The following KCNC2 variants were observed in gnomAD, a reference collection of about 807,000 sequenced individuals.
KCNC2 encodes potassium voltage-gated channel subfamily C member 2.
KCNC2 carries 21 observed loss-of-function variants against 44.5 expected under a neutral mutation model. That is an observed-to-expected ratio of 0.47 (90% CI 0.33 to 0.68). The LOEUF is 0.68. Ranked by LOEUF, KCNC2 falls within the 30% of genes least tolerant of loss-of-function variation. The pLI is 0.01. For synonymous variants in KCNC2, 391 were observed against 339.1 expected (o/e 1.15, Z -1.68); for missense variants, 589 against 826.2 (o/e 0.71, Z 3.52).
chr12:75,099,797 A>G (rs1886231647), intron 2 of KCNC2, among the ~76,000 whole-genome samples: 1 of 152,138 alleles, frequency 6.6e-6, no homozygotes, highest in African/African-American at 2.4e-5. Flanking sequence ...GACCTATACT[A>G]TTTGTCAGAG....
chr12:75,119,186 T>C (rs1242771355), intron 2 of KCNC2, among the ~76,000 whole-genome samples: 1 of 152,204 alleles, frequency 6.6e-6, no homozygotes, highest in Non-Finnish European at 1.5e-5. Context: ...TAGATTAATA[T>C]TATACACAAT....
intron 2 of KCNC2, among the ~76,000 whole-genome samples, chr12:75,204,256 ATACGTATT>A (rs1173848756): frequency 1.3e-5 from 2 of 152,060 alleles, no homozygotes; most frequent in East Asian, 3.8e-4. Context: ...GACCCCTCAT[ATACGTATT>A]TACTTCATAA....
intron 2 of KCNC2, among the ~76,000 whole-genome samples, chr12:75,080,596 A>G (rs918494751): frequency 6.6e-6 from 1 of 152,114 alleles, no homozygotes; most frequent in Non-Finnish European, 1.5e-5. Flanking sequence ...GTGGGCTGGA[A>G]TTGTACCAAA....
chr12:75,200,188 A>G (rs2031122344), intron 2 of KCNC2, among the ~76,000 whole-genome samples: 1 of 151,888 alleles, frequency 6.6e-6, no homozygotes, highest in Non-Finnish European at 1.5e-5. Context: ...AAATTTGTGC[A>G]TTTAGTGTTA....
chr12:75,123,133 A>T (rs906121580), intron 2 of KCNC2, among the ~76,000 whole-genome samples: 1 of 152,260 alleles, frequency 6.6e-6, no homozygotes, highest in African/African-American at 2.4e-5. Context: ...ATTTTTCTCT[A>T]ATTTCATTAC....
chr12:75,054,295 A>T (rs17114519), intron 2 of KCNC2, among the ~76,000 whole-genome samples: 24,638 of 151,988 alleles, frequency 0.16, 2,207 homozygotes, highest in Middle Eastern at 0.26. Flanking sequence ...CGCTTGTCAT[A>T]ATCTGGATTC....
intron 2 of KCNC2, among the ~76,000 whole-genome samples, chr12:75,078,126 C>A (rs1327087896): frequency 6.6e-6 from 1 of 151,962 alleles, no homozygotes; most frequent in South Asian, 2.1e-4. Flanking sequence ...TTCCTGGGTA[C>A]CTTGTTTATA....
At chr12:75,095,915 A>G (rs1393215395) in intron 2 of KCNC2, among the ~76,000 whole-genome samples, 1 of 151,962 alleles carries the variant, frequency 6.6e-6, no homozygotes, top group Non-Finnish European at 1.5e-5. Context: ...GGTACTTTAT[A>G]TCAAATTTTA....
intron 2 of KCNC2, among the ~76,000 whole-genome samples, chr12:75,160,165 C>A (rs1177327560): frequency 6.6e-6 from 1 of 151,640 alleles, no homozygotes; most frequent in African/African-American, 2.4e-5. Context: ...AGGCCCTAAT[C>A]CCATATAATT....
At chr12:75,127,205 A>G (rs1350948511) in intron 2 of KCNC2, among the ~76,000 whole-genome samples, 1 of 152,180 alleles carries the variant, frequency 6.6e-6, no homozygotes. Flanking sequence ...GAGAATTAGT[A>G]GTTACATGAC....
At chr12:75,092,283 A>G (rs1196770715) in intron 2 of KCNC2, among the ~76,000 whole-genome samples, 1 of 151,680 alleles carries the variant, frequency 6.6e-6, no homozygotes, top group Middle Eastern at 3.2e-3. Context: ...CCTCAAAATC[A>G]TGCAGAAAAA....
intron 2 of KCNC2, among the ~76,000 whole-genome samples, chr12:75,071,749 A>C (rs1883425588): frequency 6.6e-6 from 1 of 151,950 alleles, no homozygotes; most frequent in Admixed American, 6.6e-5. Flanking sequence ...CAGGAGTTTG[A>C]GACCAGCCTG....
intron 2 of KCNC2, among the ~76,000 whole-genome samples, chr12:75,197,178 G>C (rs2030843087): frequency 6.6e-6 from 1 of 152,012 alleles, no homozygotes; most frequent in Admixed American, 6.6e-5. Flanking sequence ...TGATAAAACA[G>C]TGTCCATTGC....
intron 2 of KCNC2, among the ~76,000 whole-genome samples, chr12:75,117,673 G>A (rs571305544): frequency 5.3e-5 from 8 of 152,090 alleles, no homozygotes; most frequent in African/African-American, 1.9e-4. Flanking sequence ...AATAGTTAAA[G>A]TTTAAATCAA....
intron 2 of KCNC2, among the ~76,000 whole-genome samples, chr12:75,171,526 A>C (rs1288262424): frequency 6.6e-6 from 1 of 151,906 alleles, no homozygotes; most frequent in Admixed American, 6.6e-5. Flanking sequence ...CATTCTGTTA[A>C]GTGAAATAAG....
intron 2 of KCNC2, among the ~76,000 whole-genome samples, chr12:75,174,578 A>G (rs1172606732): frequency 6.6e-6 from 1 of 151,960 alleles, no homozygotes; most frequent in Non-Finnish European, 1.5e-5. Context: ...TATTTGACAT[A>G]GAGCACATAT....
At chr12:75,147,177 C>T (rs910484153) in intron 2 of KCNC2, among the ~76,000 whole-genome samples, 2 of 151,784 alleles carry the variant, frequency 1.3e-5, no homozygotes, top group Non-Finnish European at 2.9e-5. Context: ...ATTTTGTTGA[C>T]AATAGCAATA....
chr12:75,067,710 G>A (rs972364039), intron 2 of KCNC2, among the ~76,000 whole-genome samples: 2 of 152,136 alleles, frequency 1.3e-5, no homozygotes, highest in Non-Finnish European at 2.9e-5. Flanking sequence ...GTCTTAAAAA[G>A]TATTAATATG....
intron 3 of KCNC2, among the ~76,000 whole-genome samples, chr12:75,049,455 G>A (rs1432355703): frequency 6.6e-6 from 1 of 152,008 alleles, no homozygotes; most frequent in Non-Finnish European, 1.5e-5. Flanking sequence ...TAATTAAATT[G>A]TTTAATCTGC....
Sources: allele counts gnomAD v4.1 joint callset (sites outside exome capture counted in the v4.1 genomes callset), GRCh38; gene constraint gnomAD v4.1.1; transcripts MANE v1.5; gene names NCBI Gene and HGNC (gene_info 2026-07-23, HGNC 2026-07-21).